The following ZNF229 variants were observed in gnomAD, a reference collection of about 807,000 sequenced individuals.
ZNF229 encodes the protein zinc finger protein 229.
ZNF229 carries 10 observed loss-of-function variants against 11.8 expected under a neutral mutation model. That is an observed-to-expected ratio of 0.85 (90% CI 0.52 to 1.44). The LOEUF (loss-of-function observed/expected upper bound fraction) is 1.44. ZNF229 is among the 40% of genes most tolerant of loss of function. ZNF229 has a pLI of 0.00. For missense variants in ZNF229, 1,045 were observed against 1,015.1 expected, an observed-to-expected ratio of 1.03 and a Z score of -0.40; for synonymous variants, 368 against 374.8, an observed-to-expected ratio of 0.98 and a Z score of 0.21.
At position 44,428,599 on chromosome 19, in the gene ZNF229, G is replaced by A. The variant is rs965642062; in HGVS notation, c.2182C>T (p.Leu728Phe). 5 of 1,613,772 alleles carry A rather than the reference G, an allele frequency of 3.1e-6. No homozygotes were observed. The African/African-American group carries it at 4.0e-5, about 13-fold the overall frequency. Residue 728 changes from leucine to phenylalanine, a missense_variant, in exon 6 of 6, where the codon CTT becomes TTT. By Grantham distance (22) the Leu-to-Phe change is conservative. Transcript: ENST00000614049. ...CCAGTGTGCACTCTCTTATGACTAA[G>A]GAGACCTGAGCCATATCTGAAACCC... ...GKGFRYGSGL[L>F]SHKRVHTGEK...
At chr19:44,438,696 G>T (rs1600025468) in intron 4 of ZNF229, among the ~76,000 whole-genome samples, 2 of 152,264 alleles carry the variant, frequency 1.3e-5, no homozygotes, top group East Asian at 3.9e-4. Context: ...CCAGTGAGGG[G>T]AGAGGAGCTG....
intron 2 of ZNF229, among the ~76,000 whole-genome samples, chr19:44,444,910 C>A (rs1172410669): frequency 1.3e-5 from 2 of 152,184 alleles, no homozygotes; most frequent in African/African-American, 4.8e-5. Flanking sequence ...AGAGTCAGCA[C>A]ATAAAGTTCT....
At position 44,430,097 on chromosome 19, in the gene ZNF229, A is replaced by C. The variant is rs370550959; in HGVS notation, c.684T>G (p.His228Gln). 5 of 1,614,060 alleles carry C rather than the reference A, an allele frequency of 3.1e-6. No individual in the cohort carries two copies. In the African/African-American group the frequency reaches 6.7e-5, roughly 22 times the overall value. ...CTATTTCAGGGAATCTGTGATCAACATGACAAGATATCCAGCAAAAGCTGT... is the reference window on the plus strand; with the variant it reads ...CTATTTCAGGGAATCTGTGATCAACCTGACAAGATATCCAGCAAAAGCTGT... Reference protein sequence around the residue: ...DDDSFCWISCHVDHRFPEIDK... With the variant: ...DDDSFCWISCQVDHRFPEIDK... Residue 228 changes from histidine to glutamine, a missense_variant, in exon 6 of 6, where the codon CAT (histidine) becomes CAG (glutamine). Coordinates refer to ENST00000614049, the MANE Select transcript of ZNF229 (RefSeq NM_014518.4).
chr19:44,445,348 G>A (rs1413651529), intron 2 of ZNF229, among the ~76,000 whole-genome samples: 1 of 152,006 alleles, frequency 6.6e-6, no homozygotes, highest in Non-Finnish European at 1.5e-5. Flanking sequence ...ATTCTTCTCT[G>A]GCCAAAACCA....
intron 4 of ZNF229, among the ~76,000 whole-genome samples, chr19:44,436,906 T>C (rs1280428406): frequency 6.6e-6 from 1 of 152,110 alleles, no homozygotes; most frequent in Non-Finnish European, 1.5e-5. Flanking sequence ...TATGTATACA[T>C]ACATATATGT....
At chr19:44,445,627 T>C (rs1485279435) in intron 2 of ZNF229, among the ~76,000 whole-genome samples, 2 of 152,104 alleles carry the variant, frequency 1.3e-5, no homozygotes, top group African/African-American at 4.8e-5. Context: ...TCATTATCCT[T>C]CTCAAATTGG....
chr19:44,439,916 G>A (rs1971878588), intron 4 of ZNF229, among the ~76,000 whole-genome samples: 1 of 152,132 alleles, frequency 6.6e-6, no homozygotes, highest in Non-Finnish European at 1.5e-5. Flanking sequence ...TATTTTAAAA[G>A]TTATAATGAA....
In ZNF229 at chr19:44,428,079, C is replaced by A; in HGVS notation, c.*224G>T. On this transcript the variant is annotated 3_prime_UTR_variant, in exon 6 of 6. Transcript: ENST00000614049. ...CACTGCTGCACTGTTTCTTTAAAGC[C>A]TACTCCGCTGCACAACAGACTCTTA... 1 of 507,614 alleles carries A rather than the reference C, an allele frequency of 2.0e-6. No homozygotes were observed. Among genetic ancestry groups the A allele is most frequent in the Non-Finnish European group, 3.4e-6 (1 of 290,052 alleles). The allele number at this position is 507,614 out of a possible 1,614,324, so 31.4% of individuals were successfully genotyped here. A position where few individuals can be genotyped will look rare whatever the true frequency, so the allele number is the denominator to read the frequency against.
In ZNF229 at chr19:44,426,754, A is replaced by C. The variant is rs1332562395; in HGVS notation, c.*1549T>G. 1 of 152,198 alleles carries C rather than the reference A, an allele frequency of 6.6e-6. No homozygotes were observed. The highest frequency in any genetic ancestry group is 2.4e-5 in the African/African-American group (1 of 41,416). 9.4% of individuals were successfully genotyped at this position (152,198 alleles called of 1,614,324 possible). ...CCAAGTGGGCAACTATCTCCCAAGT[A>C]TCAATTACTACATATTTACTGCCAC... On this transcript the variant is annotated 3_prime_UTR_variant, in exon 6 of 6. Coordinates refer to ENST00000614049, the MANE Select transcript of ZNF229 (RefSeq NM_014518.4).
At chr19:44,431,966 T>C (rs572573988) in intron 5 of ZNF229, 4 of 695,782 alleles carry the variant, frequency 5.7e-6, no homozygotes, top group Admixed American at 4.6e-5. Flanking sequence ...CTCTGCTACG[T>C]GAGGACACAA....
In ZNF229 at chr19:44,443,769, C is replaced by T. The variant is rs186384861; in HGVS notation, c.-177-745G>A. On this transcript the variant is annotated intron_variant, in intron 2 of 5. Transcript: ENST00000614049. Reference sequence around the variant, plus strand: ...TATATGGATGACAAAGTCACAAGTACTGCTAATAATATTGTGGCTTAGCAC... The same window carrying T: ...TATATGGATGACAAAGTCACAAGTATTGCTAATAATATTGTGGCTTAGCAC... Among the ~76,000 whole-genome samples the T allele has an allele frequency of 1.7e-3, 252 of 152,252 alleles. 1 individual carries two copies. The highest frequency in any genetic ancestry group is 4.5e-3 in the African/African-American group (186 of 41,534).
At position 44,426,883 on chromosome 19, in the gene ZNF229, T is replaced by C. The variant is rs988588731; in HGVS notation, c.*1420A>G. 1 of 152,144 alleles carries C rather than the reference T, an allele frequency of 6.6e-6. No individual in the cohort carries two copies. Among genetic ancestry groups the C allele is most frequent in the Non-Finnish European group, 1.5e-5 (1 of 68,032 alleles). The allele number at this position is 152,144 out of a possible 1,614,324, so 9.4% of individuals were successfully genotyped here. ...AAGTACATAAGACTTATTACGTCCA[T>C]TTTTGCACTGCTATAAAGAACTACC... On this transcript the variant is annotated 3_prime_UTR_variant, in exon 6 of 6. Transcript: ENST00000614049.
rs765151641 is a variant in ZNF229 at position 44,429,760 on chromosome 19, T to C, written c.1021A>G (p.Arg341Gly). 17 of 1,613,984 alleles carry C rather than the reference T, an allele frequency of 1.1e-5. No homozygotes were observed. Among genetic ancestry groups the C allele is most frequent in the Non-Finnish European group, 1.4e-5 (17 of 1,180,026 alleles). Residue 341 changes from arginine to glycine, a missense_variant, in exon 6 of 6, where the codon AGA becomes GGA. Arg to Gly is a moderately radical substitution (Grantham distance 125). Coordinates refer to ENST00000614049, the MANE Select transcript of ZNF229 (RefSeq NM_014518.4). ...TAGGGCATGTCTCCCACAGGGGCTC[T>C]GGGGTGGTTACGTATGTGCGTGTTC... Reference protein sequence around the residue: ...RQNTHIRNHPRAPVGDMPYRC... With the variant: ...RQNTHIRNHPGAPVGDMPYRC...
chr19:44,430,525 C>G lies in ZNF229; in HGVS notation c.256G>C (p.Asp86His). The G allele has an allele frequency of 6.2e-7, 1 of 1,612,992 alleles. No homozygotes were observed. The highest frequency in any genetic ancestry group is 8.5e-7 in the Non-Finnish European group (1 of 1,179,452). Residue 86 changes from aspartate to histidine, a missense_variant, in exon 6 of 6, where the codon GAT becomes CAT. Physicochemically the swap from Asp to His is moderately conservative, Grantham distance 81. Transcript: ENST00000614049. ...TCTTCATCTTGAATATACTCCGTAT[C>G]CTTTCCATTCTTGTCTCCTATGAGG... ...RNPLGDKNGK[D>H]TEYIQDEELR...
chr19:44,428,930 G>A lies in ZNF229; in HGVS notation c.1851C>T (p.Ile617=). 1 of 1,612,688 alleles carries A rather than the reference G, an allele frequency of 6.2e-7. No individual in the cohort carries two copies. The highest frequency in any genetic ancestry group is 1.1e-5 in the South Asian group (1 of 91,018). ...KGFIYSSDLL[I]HQRVHTGEKP... Reference sequence around the variant, plus strand: ...TCTCTCCAGTGTGGACCCTCTGATGGATAAGGAGGTCGGAGCTGTAGATGA... The same window carrying A: ...TCTCTCCAGTGTGGACCCTCTGATGAATAAGGAGGTCGGAGCTGTAGATGA... Residue 617 remains isoleucine (I), a synonymous_variant, in exon 6 of 6, where the codon ATC becomes ATT. Transcript: ENST00000614049.
intron 2 of ZNF229, among the ~76,000 whole-genome samples, chr19:44,443,940 C>A (rs560129972): frequency 1.3e-5 from 2 of 152,150 alleles, no homozygotes; most frequent in African/African-American, 4.8e-5. Context: ...CGCCCCACCC[C>A]CCAGACTGAA....
At chr19:44,432,095 GT>G in intron 5 of ZNF229, 126 bp downstream of exon 5, 1 of 1,464,656 alleles carries the variant, frequency 6.8e-7, no homozygotes, top group South Asian at 1.5e-5. Flanking sequence ...ATGCCACTCA[GT>G]CTGGCAATTT....
intron 2 of ZNF229, among the ~76,000 whole-genome samples, chr19:44,445,672 T>A (rs563713414): frequency 1.3e-5 from 2 of 152,288 alleles, no homozygotes; most frequent in South Asian, 4.1e-4. Flanking sequence ...CTCTGCTTCA[T>A]TTTTCTCCAT....
chr19:44,429,396 C>A lies in ZNF229; in HGVS notation c.1385G>T (p.Ser462Ile). ...QHIHPGEKPYSCGECGKGFSC... is the reference protein window; with the variant it reads ...QHIHPGEKPYICGECGKGFSC... The stretch of plus-strand genomic sequence containing the variant: ...GAATCCCTTTCCACACTCGCCACAG[C>A]TGTAGGGCTTTTCTCCAGGGTGAAT... Residue 462 changes from serine to isoleucine, a missense_variant, in exon 6 of 6, where the codon AGC becomes ATC. Coordinates refer to ENST00000614049, the MANE Select transcript of ZNF229 (RefSeq NM_014518.4). 6.2e-7 allele frequency: 1 copy of A among 1,614,014 alleles called. No homozygotes were observed. Among genetic ancestry groups the A allele is most frequent in the Non-Finnish European group, 8.5e-7 (1 of 1,180,012 alleles).
Sources: gnomAD v4.1 joint callset for allele counts (sites outside exome capture counted in the v4.1 genomes callset) on GRCh38, gnomAD v4.1.1 for gene constraint, MANE v1.5 for transcripts, NCBI Gene and HGNC (gene_info 2026-07-23, HGNC 2026-07-21) for gene names.